Variants in INKA2 observed in about 807,000 individuals in gnomAD.
INKA2 encodes inka box actin regulator 2.
In INKA2, 3 loss-of-function variants were observed where a neutral mutation model predicts 9.8. That is an observed-to-expected ratio of 0.31 (90% CI 0.14 to 0.79). INKA2 has a LOEUF of 0.79. Among genes scored for constraint, INKA2 ranks in the 30% least tolerant of loss-of-function variants. The pLI, the probability that INKA2 is intolerant of heterozygous loss-of-function variation, is 0.62. For missense variants in INKA2, 392 were observed against 384.4 expected (o/e 1.02, Z -0.17); for synonymous variants, 147 against 143.3 (o/e 1.03, Z -0.18).
upstream of INKA2, chr1:111,739,412 G>C: frequency 6.8e-7 from 1 of 1,467,752 alleles, no homozygotes; most frequent in South Asian, 1.4e-5. Context: ...CCAGCGGCTA[G>C]CCGCGCGCGG....
At chr1:111,731,417 C>T (rs1360149687) in intron 1 of INKA2, among the ~76,000 whole-genome samples, 1 of 151,524 alleles carries the variant, frequency 6.6e-6, no homozygotes, top group Non-Finnish European at 1.5e-5. Flanking sequence ...ATGGCATGAT[C>T]TCAGCTCACC....
At position 111,727,752 on chromosome 1, in the gene INKA2, A is replaced by G; in HGVS notation, c.110T>C (p.Met37Thr). Residue 37 changes from methionine (M) to threonine (T), a missense_variant, in exon 2 of 2, where the codon ATG becomes ACG. Met to Thr is a moderately conservative substitution (Grantham distance 81). Transcript: ENST00000357260. ...GAGCTTCAGTTCTTGCAGTGCACCC[A>G]TCATGCAGTTCATCTGATCCTGTAA... ...DGLQDQMNCM[M>T]GALQELKLLQ... 1 of 1,612,798 alleles carries G rather than the reference A, an allele frequency of 6.2e-7. No homozygotes were observed. The highest frequency in any genetic ancestry group is 8.5e-7 in the Non-Finnish European group (1 of 1,180,024).
In INKA2 at chr1:111,726,851, G is replaced by A. The variant is rs1411976084; in HGVS notation, c.*117C>T. Reference sequence around the variant, plus strand: ...CTCTGGCTTCTCCCCGCTTTCTGGGGGAAAGGAACTTGGAGTTGGGCTTTC... The same window carrying A: ...CTCTGGCTTCTCCCCGCTTTCTGGGAGAAAGGAACTTGGAGTTGGGCTTTC... On this transcript the variant is annotated 3_prime_UTR_variant, in exon 2 of 2. Coordinates refer to ENST00000357260, the MANE Select transcript of INKA2 (RefSeq NM_019099.5). The A allele has an allele frequency of 9.3e-7, 1 of 1,070,146 alleles. No homozygotes were observed. Among genetic ancestry groups the A allele is most frequent in the African/African-American group, 1.6e-5 (1 of 63,060 alleles). The allele number at this position is 1,070,146 out of a possible 1,614,324, so 66.3% of individuals were successfully genotyped here.
chr1:111,737,327 G>A (rs899472795), intron 1 of INKA2, among the ~76,000 whole-genome samples: 2 of 152,018 alleles, frequency 1.3e-5, no homozygotes, highest in East Asian at 1.9e-4. Context: ...CCTGGCACTC[G>A]TAGTCTCTGT....
At chr1:111,748,935 G>A (rs12732051) in intron 1 of INKA2, among the ~76,000 whole-genome samples, 90 of 152,342 alleles carry the variant, frequency 5.9e-4, no homozygotes, top group African/African-American at 2.9e-4. Flanking sequence ...GAATAGATGC[G>A]GGAGGATCAA....
intron 1 of INKA2, among the ~76,000 whole-genome samples, chr1:111,734,428 G>A (rs532897111): frequency 6.6e-6 from 1 of 152,082 alleles, no homozygotes; most frequent in East Asian, 1.9e-4. Flanking sequence ...CAGGCCTTCA[G>A]TGTCTCTTGC....
intron 1 of INKA2, chr1:111,755,576 C>T (rs1434150325): frequency 9.0e-7 from 1 of 1,114,408 alleles, no homozygotes; most frequent in Non-Finnish European, 1.3e-6. Context: ...TCACAAAGAA[C>T]GGCGAGAGGG....
intron 1 of INKA2, among the ~76,000 whole-genome samples, chr1:111,750,657 T>A (rs1185775870): frequency 2.0e-5 from 3 of 152,166 alleles, no homozygotes; most frequent in African/African-American, 7.2e-5. Flanking sequence ...AGAAACAGTG[T>A]GTGTTGTGGG....
upstream of INKA2, among the ~76,000 whole-genome samples, chr1:111,742,855 C>G (rs1034147486): frequency 6.6e-6 from 1 of 152,236 alleles, no homozygotes; most frequent in South Asian, 2.1e-4. Context: ...GAAGTCCTTT[C>G]ATGGTGCTGG....
intron 1 of INKA2, among the ~76,000 whole-genome samples, chr1:111,735,816 A>G (rs988530831): frequency 8.5e-5 from 13 of 152,168 alleles, no homozygotes; most frequent in Admixed American, 6.5e-4. Flanking sequence ...TGTGGCCACT[A>G]AAAGCTAGAG....
At chr1:111,727,889 C>T in intron 1 of INKA2, 85 bp from the exon 2 acceptor site, 1 of 1,296,892 alleles carries the variant, frequency 7.7e-7, no homozygotes, top group Non-Finnish European at 1.1e-6. Flanking sequence ...GTCCCCCACC[C>T]AAACATACAC....
chr1:111,739,217 T>C lies in INKA2; in HGVS notation c.26A>G (p.Asp9Gly), dbSNP rs764184754. Reference protein sequence around the residue: MTMESREMDCYLRRLKQEL... With the variant: MTMESREMGCYLRRLKQEL... ...CTGTTTGAGGCGACGGAGATAGCAG[T>C]CCATTTCCCTGCTCTCCATCGTCAT... Residue 9 changes from aspartate (D) to glycine (G), a missense_variant, in exon 1 of 2, where the codon GAC becomes GGC. Transcript: ENST00000357260. 5.0e-6 allele frequency: 8 copies of C among 1,613,592 alleles called. No homozygotes were observed. The highest frequency in any genetic ancestry group is 1.3e-5 in the African/African-American group (1 of 74,888).
Position 111,739,371 on chromosome 1 carries a change from C to A in INKA2, c.-129G>T. 2 of 1,520,886 alleles carry A rather than the reference C, an allele frequency of 1.3e-6. No homozygotes were observed. Among genetic ancestry groups the A allele is most frequent in the East Asian group, 5.0e-5 (2 of 40,328 alleles). 94.2% of individuals were successfully genotyped at this position (1,520,886 alleles called of 1,614,324 possible). On this transcript the variant is annotated 5_prime_UTR_variant, in exon 1 of 2. Transcript: ENST00000357260. ...CGCTCGCAGCGCGGAGCTGAGCCTG[C>A]GCTCCGAGCCCGGGACTCAGAGTCG... is the stretch of plus-strand genomic sequence containing the variant.
chr1:111,740,490 G>T (rs1045257953), upstream of INKA2, among the ~76,000 whole-genome samples: 44 of 152,242 alleles, frequency 2.9e-4, no homozygotes, highest in African/African-American at 9.6e-4. Context: ...AGCCGGGGAC[G>T]GTGGCGGAGA....
At position 111,734,309 on chromosome 1, in the gene INKA2, G is replaced by A. The variant is rs190986466; in HGVS notation, c.57+4877C>T. Among the ~76,000 whole-genome samples the A allele has an allele frequency of 2.0e-5, 3 of 152,308 alleles. No homozygotes were observed. The East Asian group carries it at 5.8e-4, about 29-fold the overall frequency. ...GGAGATTGCCTCTTAGTCTCCGCAA[G>A]CCCTCTTCCCTCTGACCACCTTTAA... is the stretch of plus-strand genomic sequence containing the variant. On this transcript the variant is annotated intron_variant, in intron 1 of 1. Coordinates refer to ENST00000357260, the MANE Select transcript of INKA2 (RefSeq NM_019099.5).
intron 1 of INKA2, among the ~76,000 whole-genome samples, chr1:111,729,775 C>A (rs1662864309): frequency 1.3e-5 from 2 of 152,228 alleles, no homozygotes; most frequent in Non-Finnish European, 2.9e-5. Flanking sequence ...CAGGGCTGGG[C>A]TGCAGCTGAC....
rs115199584 is a variant in INKA2, at chr1:111,725,281, G to C, written c.*1687C>G. 6.6e-6 allele frequency: 1 copy of C among 152,306 alleles called. No individual in the cohort carries two copies. The highest frequency in any genetic ancestry group is 1.5e-5 in the Non-Finnish European group (1 of 68,096). The allele number at this position is 152,306 out of a possible 1,614,324, so 9.4% of individuals were successfully genotyped here. A position where few individuals can be genotyped will look rare whatever the true frequency, so the allele number is the denominator to read the frequency against. On this transcript the variant is annotated 3_prime_UTR_variant, in exon 2 of 2. Transcript: ENST00000357260. The stretch of plus-strand genomic sequence containing the variant: ...CCCATCAGGCTGAGGGACAATCAGT[G>C]GGAGGCAGAGAGGGGCAGTGGGAGG...
chr1:111,755,763 T>C, exon 1 of INKA2: 7 of 1,613,652 alleles, frequency 4.3e-6, no homozygotes. Context: ...TTTTTGTGTG[T>C]CTGGGCAGTC....
In INKA2 at chr1:111,726,056, T is replaced by A. The variant is rs949721124; in HGVS notation, c.*912A>T. 5.0e-6 allele frequency: 2 copies of A among 398,530 alleles called. No homozygotes were observed. The highest frequency in any genetic ancestry group is 8.8e-6 in the Non-Finnish European group (2 of 226,124). The allele number at this position is 398,530 out of a possible 1,614,324, so 24.7% of individuals were successfully genotyped here. A position where few individuals can be genotyped will look rare whatever the true frequency, so the allele number is the denominator to read the frequency against. On this transcript the variant is annotated 3_prime_UTR_variant, in exon 2 of 2. Transcript: ENST00000357260. Reference sequence around the variant, plus strand: ...CCAGCCTGCGGGGTGCTAAGAACTGTTGGGGAGGAGTGTTGGTAACTCCAG... The same window carrying A: ...CCAGCCTGCGGGGTGCTAAGAACTGATGGGGAGGAGTGTTGGTAACTCCAG...
Sources: gnomAD v4.1 joint callset for allele counts (sites outside exome capture counted in the v4.1 genomes callset) on GRCh38, gnomAD v4.1.1 for gene constraint, MANE v1.5 for transcripts, NCBI Gene and HGNC (gene_info 2026-07-23, HGNC 2026-07-21) for gene names.